RELN: variants seen among roughly 807,000 people sequenced by gnomAD.
The protein encoded by RELN is reelin.
RELN carries 108 observed loss-of-function variants against 427.6 expected under a neutral mutation model. That is an observed-to-expected ratio of 0.25 (90% CI 0.22 to 0.30). RELN has a LOEUF of 0.30. Among genes scored for constraint, RELN ranks in the 10% least tolerant of loss-of-function variants. The probability of loss-of-function intolerance (pLI) is 1.00; values close to 1 mark genes in which losing one functional copy is unlikely to be tolerated. For synonymous variants in RELN, 1,524 were observed against 1,513.4 expected (o/e 1.01, Z -0.16); for missense variants, 3,715 against 4,302.8 (o/e 0.86, Z 3.82).
At position 103,728,151 on chromosome 7, in the gene RELN, T is replaced by C. The variant is rs2115934598; in HGVS notation, c.713A>G (p.Asn238Ser). Residue 238 changes from asparagine (N) to serine (S), a missense_variant, in exon 7 of 65, where the codon AAT becomes AGT. Coordinates refer to ENST00000428762, the MANE Select transcript of RELN (RefSeq NM_005045.4). ...GEQCGAIMHG[N>S]AVTFCEPYGP... ...ATATGGTTCACAGAAGGTGACGGCA[T>C]TGCCATGCATAATCGCGCCACACTG... is the stretch of plus-strand genomic sequence containing the variant. 1 of 1,613,882 alleles carries C rather than the reference T, an allele frequency of 6.2e-7. No individual in the cohort carries two copies. The highest frequency in any genetic ancestry group is 1.7e-5 in the Admixed American group (1 of 59,920).
chr7:103,675,315 G>A (rs890157842), intron 11 of RELN, among the ~76,000 whole-genome samples: 3 of 152,060 alleles, frequency 2.0e-5, no homozygotes, highest in African/African-American at 7.2e-5. Context: ...AAATACCTAG[G>A]AATCCAACTT....
At chr7:103,774,893 A>G (rs1791699843) in intron 4 of RELN, among the ~76,000 whole-genome samples, 1 of 152,170 alleles carries the variant, frequency 6.6e-6, no homozygotes. Context: ...TAATATCCAC[A>G]TGTACCACTG....
rs267601215 is a variant in RELN, at chr7:103,574,136, C to T, written c.4467G>A (p.Gly1489=). The change falls in exon 30 of 65, where the codon GGG becomes GGA. Residue 1489 remains glycine (G), a synonymous_variant. Transcript: ENST00000428762. ...DGKSLYFNGP[G]KREARTVPLD... ...GAGGGACCGTCCGGGCTTCCCTTTT[C>T]CCAGGGCCATTGAAGTAGAGAGATT... 1 of 1,614,126 alleles carries T rather than the reference C, an allele frequency of 6.2e-7. No homozygotes were observed. The highest frequency in any genetic ancestry group is 8.5e-7 in the Non-Finnish European group (1 of 1,180,016).
chr7:103,862,411 CTATCTATCTATCTATCT>C (rs1209459997), intron 2 of RELN, among the ~76,000 whole-genome samples: 2 of 53,404 alleles, frequency 3.7e-5, no homozygotes, highest in Admixed American at 1.8e-4. Flanking sequence ...TGCTTTTGTT[CTATCTATCTATCTATCT>C]ATCTATCTAT....
chr7:103,566,916 G>A (rs949219705), intron 31 of RELN, among the ~76,000 whole-genome samples, 157 bp from the exon 32 acceptor site: 1 of 152,046 alleles, frequency 6.6e-6, no homozygotes, highest in Non-Finnish European at 1.5e-5. Flanking sequence ...TGGACCTGAA[G>A]GCTCATCAAT....
At chr7:103,557,396 A>G (rs988180223) in intron 37 of RELN, among the ~76,000 whole-genome samples, 1 of 152,210 alleles carries the variant, frequency 6.6e-6, no homozygotes, top group African/African-American at 2.4e-5. Flanking sequence ...TCTCTCTCAG[A>G]TATGCACAGG....
intron 10 of RELN, among the ~76,000 whole-genome samples, chr7:103,694,467 AGAT>A (rs139140239): frequency 0.01 from 1,542 of 148,776 alleles, 21 homozygotes; most frequent in East Asian, 0.043. Context: ...CAGTTAAATG[AGAT>A]GATGATGATG....
rs1365324977 is a variant in RELN, at chr7:103,472,827, A to G, written c.10368T>C (p.Leu3456=). Residue 3456 remains leucine (L), a synonymous_variant, in exon 65 of 65, where the codon CTT becomes CTC. Coordinates refer to ENST00000428762, the MANE Select transcript of RELN (RefSeq NM_005045.4). ...RHFYNRRRRS[L]RRYP ...TTTTGATTCTTCATGGGTATCGCCTAAGTGACCTTCGTCTTCTGTTGTAGA... is the reference window on the plus strand; with the variant it reads ...TTTTGATTCTTCATGGGTATCGCCTGAGTGACCTTCGTCTTCTGTTGTAGA... The G allele has an allele frequency of 3.1e-6, 5 of 1,613,674 alleles. No individual in the cohort carries two copies. In the African/African-American group the frequency reaches 5.3e-5, roughly 17 times the overall value.
chr7:103,617,929 C>T (rs1386571445), intron 20 of RELN, among the ~76,000 whole-genome samples: 1 of 152,080 alleles, frequency 6.6e-6, no homozygotes, highest in African/African-American at 2.4e-5. Flanking sequence ...TCTCCTGCTT[C>T]CTCTGTCACC....
At chr7:103,491,294 T>TTAAAGTTTTTGTTAGAGGTAGTTGA (rs1828642065) in intron 58 of RELN, among the ~76,000 whole-genome samples, 2 of 152,242 alleles carry the variant, frequency 1.3e-5, no homozygotes, top group Admixed American at 6.5e-5. Context: ...CATTCACTGA[T>TTAAAGTTTTTGTTAGAGGTAGTTGA]TAAAGTTTTT....
intron 50 of RELN, among the ~76,000 whole-genome samples, chr7:103,511,931 C>T (rs1225467967): frequency 6.6e-6 from 1 of 152,152 alleles, no homozygotes; most frequent in African/African-American, 2.4e-5. Context: ...AAGCAGGGCA[C>T]CAAATCGATC....
At chr7:103,886,268 T>C (rs1054782540) in intron 2 of RELN, among the ~76,000 whole-genome samples, 3 of 152,226 alleles carry the variant, frequency 2.0e-5, no homozygotes, top group African/African-American at 7.2e-5. Context: ...GTTAATAGGA[T>C]AGAGAACTCA....
intron 20 of RELN, among the ~76,000 whole-genome samples, chr7:103,627,336 G>C (rs960605856): frequency 1.3e-5 from 2 of 151,936 alleles, no homozygotes; most frequent in Non-Finnish European, 2.9e-5. Flanking sequence ...ATAAATAGTT[G>C]GTCAATATCA....
chr7:103,893,983 G>A (rs929098535), intron 2 of RELN, among the ~76,000 whole-genome samples: 2 of 152,058 alleles, frequency 1.3e-5, no homozygotes, highest in Non-Finnish European at 2.9e-5. Flanking sequence ...AGGCATAGCC[G>A]AACGCTGAAT....
chr7:103,661,292 C>A (rs1468737550), intron 12 of RELN, 84 bp downstream of exon 12: 1 of 1,417,720 alleles, frequency 7.1e-7, no homozygotes, highest in Non-Finnish European at 1.0e-6. Flanking sequence ...ACGTAGTTGA[C>A]AACAAACAAT....
intron 4 of RELN, among the ~76,000 whole-genome samples, chr7:103,759,273 A>T (rs927696014): frequency 3.3e-5 from 5 of 152,168 alleles, no homozygotes; most frequent in Non-Finnish European, 7.4e-5. Flanking sequence ...TATTCAAAAA[A>T]TAGTGAGGGT....
intron 8 of RELN, among the ~76,000 whole-genome samples, chr7:103,705,698 G>T (rs1463132628): frequency 1.3e-5 from 2 of 152,164 alleles, no homozygotes; most frequent in African/African-American, 4.8e-5. Context: ...GGCTGCCAGG[G>T]TTACAATTTG....
intron 2 of RELN, among the ~76,000 whole-genome samples, chr7:103,902,946 A>G (rs3898191): frequency 6.6e-6 from 1 of 152,184 alleles, no homozygotes; most frequent in East Asian, 1.9e-4. Flanking sequence ...ATAACATTAC[A>G]CAATTATTTT....
At chr7:103,697,723 G>A (rs967136476) in intron 10 of RELN, 130 bp downstream of exon 10, 5 of 1,217,526 alleles carry the variant, frequency 4.1e-6, no homozygotes, top group African/African-American at 3.1e-5. Context: ...ATATAAATAA[G>A]TATATTATCT....
Sources: allele counts gnomAD v4.1 joint callset (sites outside exome capture counted in the v4.1 genomes callset), GRCh38; gene constraint gnomAD v4.1.1; transcripts MANE v1.5; gene names NCBI Gene and HGNC (gene_info 2026-07-23, HGNC 2026-07-21).